WWC1: variants seen among roughly 807,000 people sequenced by gnomAD.
The protein encoded by WWC1 is WW and C2 domain containing 1.
Under a neutral mutation model 138.4 loss-of-function variants are expected in WWC1, and 55 were observed. The observed-to-expected ratio is 0.40, with a 90% CI of 0.32 to 0.50. WWC1 has a LOEUF of 0.50. Ranked by LOEUF, WWC1 falls within the 20% of genes least tolerant of loss-of-function variation. The pLI is 0.72. For synonymous variants in WWC1, 524 were observed against 564.9 expected, an observed-to-expected ratio of 0.93 and a Z score of 1.03; for missense variants, 1,226 against 1,420.4, an observed-to-expected ratio of 0.86 and a Z score of 2.20.
intron 1 of WWC1, among the ~76,000 whole-genome samples, chr5:168,365,334 G>A (rs1263450113): frequency 1.3e-5 from 2 of 152,108 alleles, no homozygotes; most frequent in Non-Finnish European, 2.9e-5. Context: ...AAGTGATCCC[G>A]CCCAGCCAGC....
intron 1 of WWC1, among the ~76,000 whole-genome samples, chr5:168,344,693 A>G (rs1224212913): frequency 1.3e-5 from 2 of 152,242 alleles, no homozygotes; most frequent in Non-Finnish European, 2.9e-5. Flanking sequence ...CGTCTGTCAC[A>G]GCAGGAAGCA....
In WWC1 at chr5:168,444,922, G is replaced by A. The variant is rs530212142; in HGVS notation, c.2525+337G>A. On this transcript the variant is annotated intron_variant, in intron 17 of 22. Coordinates refer to ENST00000265293, the MANE Select transcript of WWC1 (RefSeq NM_015238.3). ...TCTAAATGGAAAATTTGTGTAGTTT[G>A]CCATAAATTAAAGAGTTCTTGGGAA... Among the ~76,000 whole-genome samples the A allele has an allele frequency of 4.0e-5, 6 of 151,524 alleles. No homozygotes were observed. In the East Asian group the frequency reaches 1.2e-3, roughly 30 times the overall value.
chr5:168,386,377 CTT>C, intron 3 of WWC1, among the ~76,000 whole-genome samples: 1 of 143,968 alleles, frequency 6.9e-6, no homozygotes, highest in East Asian at 2.0e-4. Context: ...TCCCCTTGTT[CTT>C]TTTTTTTTTT....
At chr5:168,397,007 GATAAAA>G (rs992890456) in intron 3 of WWC1, among the ~76,000 whole-genome samples, 6 of 151,576 alleles carry the variant, frequency 4.0e-5, no homozygotes, top group Non-Finnish European at 8.8e-5. Flanking sequence ...AAAAAGAAAA[GATAAAA>G]ATATAAAGAT....
intron 8 of WWC1, 85 bp downstream of exon 8, chr5:168,410,080 C>A: frequency 1.6e-6 from 2 of 1,280,464 alleles, no homozygotes; most frequent in Non-Finnish European, 2.3e-6. Context: ...TAGCTTTTCA[C>A]ACACTTCGTC....
intron 19 of WWC1, among the ~76,000 whole-genome samples, chr5:168,458,618 G>C (rs1003657029): frequency 6.6e-6 from 1 of 152,114 alleles, no homozygotes; most frequent in African/African-American, 2.4e-5. Flanking sequence ...TGGGTTGATT[G>C]ACTTTGACCA....
intron 1 of WWC1, among the ~76,000 whole-genome samples, chr5:168,298,663 C>T (rs1769782790): frequency 6.6e-6 from 1 of 152,098 alleles, no homozygotes; most frequent in Non-Finnish European, 1.5e-5. Flanking sequence ...ATAGTCAATA[C>T]CAGCATCTAT....
chr5:168,431,100 C>T (rs764218973), intron 14 of WWC1, 152 bp from the exon 15 acceptor site: 2 of 660,406 alleles, frequency 3.0e-6, no homozygotes, highest in Non-Finnish European at 2.5e-6. Flanking sequence ...AAGTTCCTTC[C>T]AGTGTATAGG....
intron 5 of WWC1, among the ~76,000 whole-genome samples, chr5:168,403,926 A>C (rs1779586332): frequency 6.9e-6 from 1 of 145,284 alleles, no homozygotes; most frequent in African/African-American, 2.5e-5. Flanking sequence ...CTTTCCCTTA[A>C]AAAAAAAAAG....
intron 1 of WWC1, among the ~76,000 whole-genome samples, chr5:168,298,884 G>T (rs1456645194): frequency 1.3e-5 from 2 of 152,130 alleles, no homozygotes; most frequent in Non-Finnish European, 2.9e-5. Context: ...AGGAGTTCAA[G>T]ACCAGCCTGG....
At chr5:168,441,643 C>G (rs771437037) in intron 15 of WWC1, 39 bp from the exon 16 acceptor site, 11 of 1,599,332 alleles carry the variant, frequency 6.9e-6, no homozygotes, top group Admixed American at 3.4e-5. Context: ...GTGTCCCCCC[C>G]ACCGCCACTT....
At chr5:168,426,093 G>A (rs557448664) in intron 11 of WWC1, among the ~76,000 whole-genome samples, 34 of 152,182 alleles carry the variant, frequency 2.2e-4, no homozygotes, top group Non-Finnish European at 4.3e-4. Context: ...GGGCCAGTGG[G>A]AGCATGGTAG....
At chr5:168,432,202 T>C (rs979647533) in intron 15 of WWC1, among the ~76,000 whole-genome samples, 1 of 152,208 alleles carries the variant, frequency 6.6e-6, no homozygotes, top group African/African-American at 2.4e-5. Flanking sequence ...CAAATGATAA[T>C]GCCTCCATCA....
At chr5:168,430,970 G>A (rs1468052982) in intron 14 of WWC1, among the ~76,000 whole-genome samples, 1 of 152,212 alleles carries the variant, frequency 6.6e-6, no homozygotes, top group Non-Finnish European at 1.5e-5. Context: ...ACAGTGCCAG[G>A]CTGAATAGCC....
intron 17 of WWC1, among the ~76,000 whole-genome samples, chr5:168,451,273 C>T (rs1398191442): frequency 6.6e-6 from 1 of 152,140 alleles, no homozygotes; most frequent in Admixed American, 6.5e-5. Context: ...CCACCCACCT[C>T]GGCCTCCCAA....
chr5:168,438,511 C>T (rs191638738), intron 15 of WWC1, among the ~76,000 whole-genome samples: 114 of 152,320 alleles, frequency 7.5e-4, no homozygotes, highest in South Asian at 1.9e-3. Flanking sequence ...GTCAACTAAA[C>T]CTCTTTCTTT....
chr5:168,381,716 C>G (rs1380301920), intron 2 of WWC1, among the ~76,000 whole-genome samples: 3 of 146,536 alleles, frequency 2.0e-5, no homozygotes, highest in African/African-American at 7.6e-5. Context: ...CCTGGAAATT[C>G]TAATTTAAGT....
intron 1 of WWC1, among the ~76,000 whole-genome samples, chr5:168,313,073 G>A (rs1264703052): frequency 1.3e-5 from 2 of 151,992 alleles, no homozygotes; most frequent in Non-Finnish European, 2.9e-5. Context: ...CTCACAAAGT[G>A]CAAGGATTAC....
chr5:168,401,584 G>A (rs1561710070), intron 5 of WWC1, among the ~76,000 whole-genome samples: 1 of 152,126 alleles, frequency 6.6e-6, no homozygotes, highest in Admixed American at 6.5e-5. Flanking sequence ...CACCGCCTGG[G>A]GTGAGCCACA....
Sources: gnomAD v4.1 joint callset for allele counts (sites outside exome capture counted in the v4.1 genomes callset) on GRCh38, gnomAD v4.1.1 for gene constraint, MANE v1.5 for transcripts, NCBI Gene and HGNC (gene_info 2026-07-23, HGNC 2026-07-21) for gene names.